The following SPATS2L variants were observed in gnomAD, a reference collection of about 807,000 sequenced individuals.
The protein encoded by SPATS2L is spermatogenesis associated serine rich 2 like, also known as SPATS2-like protein.
SPATS2L carries 30 observed loss-of-function variants against 59.6 expected under a neutral mutation model. The ratio of observed to expected loss-of-function variants is 0.50; its 90% CI spans 0.38 to 0.68. The LOEUF (loss-of-function observed/expected upper bound fraction) is 0.68, where lower values mean the gene tolerates loss of function less well. SPATS2L is among the 30% of genes least tolerant of loss of function. The pLI, the probability that SPATS2L is intolerant of heterozygous loss-of-function variation, is 0.00. For synonymous variants in SPATS2L, 252 were observed against 263.5 expected (o/e 0.96, Z 0.42); for missense variants, 615 against 700.0 (o/e 0.88, Z 1.37).
At chr2:200,384,893 A>T (rs1480938299) in intron 2 of SPATS2L, among the ~76,000 whole-genome samples, 2 of 152,218 alleles carry the variant, frequency 1.3e-5, no homozygotes, top group East Asian at 3.8e-4. Flanking sequence ...AGCTATTGAA[A>T]TGTTGCACCA....
chr2:200,310,837 CTCT>C (rs1231771454), intron 1 of SPATS2L, among the ~76,000 whole-genome samples: 1 of 152,168 alleles, frequency 6.6e-6, no homozygotes, highest in Non-Finnish European at 1.5e-5. Context: ...TAGAATGTGT[CTCT>C]TCTTTTTTTC....
chr2:200,446,202 G>A (rs983261097), intron 8 of SPATS2L, among the ~76,000 whole-genome samples: 1 of 152,150 alleles, frequency 6.6e-6, no homozygotes, highest in Non-Finnish European at 1.5e-5. Flanking sequence ...GGGCATAGTG[G>A]TGTGTGCCTG....
At chr2:200,329,564 G>A (rs1574410562) in intron 2 of SPATS2L, 84 bp downstream of exon 2, 1 of 1,242,080 alleles carries the variant, frequency 8.1e-7, no homozygotes, top group Admixed American at 2.0e-5. Context: ...TGCCTCCTGG[G>A]AGCCTTGTCA....
intron 2 of SPATS2L, among the ~76,000 whole-genome samples, chr2:200,338,875 A>G (rs1411605045): frequency 6.6e-6 from 1 of 152,194 alleles, no homozygotes; most frequent in Admixed American, 6.5e-5. Context: ...CAGATGACCA[A>G]AAGAGGGTGG....
intron 8 of SPATS2L, among the ~76,000 whole-genome samples, chr2:200,445,153 G>GA (rs138162816): frequency 1.4e-4 from 21 of 147,992 alleles, no homozygotes; most frequent in East Asian, 3.9e-4. Flanking sequence ...TCTACAAAAA[G>GA]AAAAAAAAAA....
chr2:200,449,357 A>T (rs2085285765), intron 8 of SPATS2L, among the ~76,000 whole-genome samples: 1 of 152,236 alleles, frequency 6.6e-6, no homozygotes, highest in Non-Finnish European at 1.5e-5. Flanking sequence ...AGCCTTCCTG[A>T]GCTACACGTG....
In SPATS2L at chr2:200,438,913, C is replaced by T. The variant is rs555440575; in HGVS notation, c.446-209C>T. On this transcript the variant is annotated intron_variant, in intron 6 of 12. Transcript: ENST00000409140. ...AAGTAATTACCAGAGCCAAAACATG[C>T]CCAGGTCTTTCTACTCAAAATACAA... 1.3e-4 allele frequency among the ~76,000 whole-genome samples: 20 copies of T among 152,268 alleles called. No homozygotes were observed. In the South Asian group the frequency reaches 2.5e-3, roughly 19 times the overall value.
At chr2:200,390,954 G>A (rs2082155062) in intron 3 of SPATS2L, 1 of 151,990 alleles carries the variant, frequency 6.6e-6, no homozygotes, top group Non-Finnish European at 1.5e-5. Context: ...CTGAGGTCGG[G>A]AGTTCAAGAC....
At chr2:200,416,451 A>G (rs1280055682) in intron 5 of SPATS2L, 23 bp downstream of exon 5, 1 of 1,294,662 alleles carries the variant, frequency 7.7e-7, no homozygotes, top group African/African-American at 1.5e-5. Flanking sequence ...TTGATTGTAA[A>G]TTGGTAACAT....
intron 2 of SPATS2L, among the ~76,000 whole-genome samples, chr2:200,339,467 T>C (rs1270317880): frequency 6.6e-6 from 1 of 152,234 alleles, no homozygotes; most frequent in African/African-American, 2.4e-5. Flanking sequence ...CTTAATGAGA[T>C]GTGTTTAATA....
intron 2 of SPATS2L, among the ~76,000 whole-genome samples, chr2:200,365,464 GC>G (rs1288696431): frequency 2.0e-5 from 3 of 152,116 alleles, no homozygotes; most frequent in Non-Finnish European, 4.4e-5. Context: ...ATGTTTCAAA[GC>G]CTGGTTTTCA....
At chr2:200,378,574 A>G (rs2081682379) in intron 2 of SPATS2L, among the ~76,000 whole-genome samples, 1 of 152,184 alleles carries the variant, frequency 6.6e-6, no homozygotes, top group African/African-American at 2.4e-5. Flanking sequence ...GTGACATTTC[A>G]AGGAACTAGG....
At chr2:200,405,907 A>G (rs1328820681) in intron 3 of SPATS2L, among the ~76,000 whole-genome samples, 2 of 152,234 alleles carry the variant, frequency 1.3e-5, no homozygotes, top group African/African-American at 4.8e-5. Context: ...GAGGCACTCC[A>G]TACATTTTGG....
At chr2:200,410,442 G>A (rs1053233947) in intron 3 of SPATS2L, among the ~76,000 whole-genome samples, 2 of 151,978 alleles carry the variant, frequency 1.3e-5, no homozygotes, top group African/African-American at 2.4e-5. Flanking sequence ...CAAAAGGATA[G>A]TTGAGGGTTG....
intron 2 of SPATS2L, among the ~76,000 whole-genome samples, chr2:200,342,118 T>C (rs971952550): frequency 1.3e-5 from 2 of 152,220 alleles, no homozygotes; most frequent in African/African-American, 4.8e-5. Flanking sequence ...CTTTCCAGTG[T>C]CTATTCACCA....
At chr2:200,468,634 C>T (rs541492987) in intron 10 of SPATS2L, among the ~76,000 whole-genome samples, 1 of 152,272 alleles carries the variant, frequency 6.6e-6, no homozygotes, top group Non-Finnish European at 1.5e-5. Flanking sequence ...GCCTTTGTGG[C>T]CTCCCACCCA....
intron 2 of SPATS2L, among the ~76,000 whole-genome samples, chr2:200,340,257 T>TC (rs1313536306): frequency 5.3e-5 from 8 of 152,210 alleles, no homozygotes; most frequent in Admixed American, 1.3e-4. Context: ...CTCTTGCTGC[T>TC]TTGATGTCTT....
chr2:200,344,383 A>C (rs769434484), intron 2 of SPATS2L, among the ~76,000 whole-genome samples: 45 of 152,122 alleles, frequency 3.0e-4, no homozygotes, highest in Non-Finnish European at 6.0e-4. Flanking sequence ...ATCCACATTT[A>C]CACAAAAGAC....
At position 200,477,707 on chromosome 2, in the gene SPATS2L, G is replaced by A; in HGVS notation, c.1353G>A (p.Lys451=). 6.4e-7 allele frequency: 1 copy of A among 1,565,178 alleles called. No homozygotes were observed. Among genetic ancestry groups the A allele is most frequent in the Non-Finnish European group, 8.7e-7 (1 of 1,154,582 alleles). The part of the protein sequence containing the change: ...YHNNRLNGPA[K]SQGSGNEAEP... ...ACAACAGGCTAAATGGGCCTGCCAA[G>A]TCGCAGGGCAGTGGGAATGAAGCCG... The change falls in exon 13 of 13, where the codon AAG becomes AAA. Residue 451 remains lysine (K), a synonymous_variant. Transcript: ENST00000409140.
Sources: allele counts gnomAD v4.1 joint callset (sites outside exome capture counted in the v4.1 genomes callset), GRCh38; gene constraint gnomAD v4.1.1; transcripts MANE v1.5; gene names NCBI Gene and HGNC (gene_info 2026-07-23, HGNC 2026-07-21).